Variants in MAML3 observed in about 807,000 individuals in gnomAD.
The protein encoded by MAML3 is mastermind like transcriptional coactivator 3.
In MAML3, 27 loss-of-function variants were observed where a neutral mutation model predicts 101.9. The observed-to-expected ratio is 0.27, with a 90% CI of 0.20 to 0.37. The LOEUF (loss-of-function observed/expected upper bound fraction) is 0.37, where lower values mean the gene tolerates loss of function less well. Ranked by LOEUF, MAML3 falls within the 10% of genes least tolerant of loss-of-function variation. MAML3 has a pLI of 1.00. For missense variants in MAML3, 1,316 were observed against 1,444.9 expected (o/e 0.91, Z 1.45); for synonymous variants, 501 against 555.9 (o/e 0.90, Z 1.39).
chr4:139,805,314 C>T (rs1730682439), intron 2 of MAML3, among the ~76,000 whole-genome samples: 1 of 152,208 alleles, frequency 6.6e-6, no homozygotes, highest in South Asian at 2.1e-4. Context: ...AGAAGTTGGA[C>T]ATTTCTTGTC....
chr4:139,999,510 C>A (rs1734881941), intron 1 of MAML3, among the ~76,000 whole-genome samples: 1 of 152,176 alleles, frequency 6.6e-6, no homozygotes, highest in Non-Finnish European at 1.5e-5. Flanking sequence ...ATTTCCAAAG[C>A]ACTGAAGTGA....
At chr4:139,885,628 CA>C (rs927890825) in intron 2 of MAML3, among the ~76,000 whole-genome samples, 1,446 of 142,946 alleles carry the variant, frequency 0.01, 21 homozygotes, top group African/African-American at 0.034. Context: ...GGTTTTAAAA[CA>C]AAAAAAAAAG....
chr4:139,900,936 G>A (rs1356260511), intron 1 of MAML3, among the ~76,000 whole-genome samples: 3 of 152,182 alleles, frequency 2.0e-5, no homozygotes, highest in Non-Finnish European at 4.4e-5. Flanking sequence ...GGTTCAGAGA[G>A]GACAGGTAGT....
chr4:140,011,136 TACAC>T (rs1374321972), intron 1 of MAML3, among the ~76,000 whole-genome samples: 85 of 111,434 alleles, frequency 7.6e-4, no homozygotes, highest in African/African-American at 2.6e-3. Flanking sequence ...TATATATATA[TACAC>T]ATATGTCATA....
chr4:140,044,471 C>T (rs1727145593), intron 1 of MAML3, among the ~76,000 whole-genome samples: 1 of 152,166 alleles, frequency 6.6e-6, no homozygotes, highest in Admixed American at 6.6e-5. Context: ...ATGAGTGTTA[C>T]AAGTTCTTCC....
intron 1 of MAML3, among the ~76,000 whole-genome samples, chr4:140,069,322 AG>A (rs1198974346): frequency 1.1e-4 from 13 of 118,456 alleles, no homozygotes; most frequent in African/African-American, 3.5e-4. Context: ...ACTCTGTCCA[AG>A]AAGAAGGAGA....
At chr4:140,073,474 T>C (rs1246210424) in intron 1 of MAML3, among the ~76,000 whole-genome samples, 1 of 152,066 alleles carries the variant, frequency 6.6e-6, no homozygotes, top group African/African-American at 2.4e-5. Flanking sequence ...TAGACTTCCA[T>C]CAGAGAGACT....
chr4:139,798,056 G>C (rs1459519609), intron 2 of MAML3, among the ~76,000 whole-genome samples: 1 of 134,262 alleles, frequency 7.4e-6, no homozygotes, highest in Non-Finnish European at 1.5e-5. Context: ...AAGAAAGAAA[G>C]AAAGAAAGAA....
intron 1 of MAML3, among the ~76,000 whole-genome samples, chr4:140,113,858 G>GT (rs1728477058): frequency 6.6e-6 from 1 of 152,326 alleles, no homozygotes; most frequent in African/African-American, 2.4e-5. Flanking sequence ...GCTGACAGGT[G>GT]TAAGCAATGC....
chr4:140,123,095 T>TG (rs1221304844), intron 1 of MAML3, among the ~76,000 whole-genome samples: 1 of 142,502 alleles, frequency 7.0e-6, no homozygotes, highest in Non-Finnish European at 1.5e-5. Context: ...CTCTGCGGTT[T>TG]TTTTTTTTTT....
chr4:139,880,407 C>T (rs1441772156), intron 2 of MAML3, among the ~76,000 whole-genome samples: 2 of 151,994 alleles, frequency 1.3e-5, no homozygotes, highest in East Asian at 1.9e-4. Context: ...CTGGTTTCCC[C>T]TCAGCAGGGA....
intron 1 of MAML3, among the ~76,000 whole-genome samples, chr4:140,128,720 A>G (rs187702124): frequency 5.3e-5 from 8 of 152,316 alleles, no homozygotes; most frequent in African/African-American, 1.7e-4. Context: ...GAGGGAAACA[A>G]ATAAAGTAGA....
In MAML3 at chr4:139,720,261, G is replaced by C. The variant is rs772679392; in HGVS notation, c.2479C>G (p.Arg827Gly). ...QAALQSMRTS[R>G]LMAQNAGMMG... ...ATGCCTGCGTTCTGTGCCATCAGCC[G>C]TGACGTTCGCATGCTCTGGAGGGCT... Residue 827 changes from arginine to glycine, a missense_variant, in exon 5 of 5, where the codon CGG becomes GGG. Arg to Gly is a moderately radical substitution (Grantham distance 125). Coordinates refer to ENST00000509479, the MANE Select transcript of MAML3 (RefSeq NM_018717.5). The C allele has an allele frequency of 1.3e-6, 2 of 1,593,366 alleles. No individual in the cohort carries two copies. The highest frequency in any genetic ancestry group is 1.7e-6 in the Non-Finnish European group (2 of 1,167,442).
intron 2 of MAML3, among the ~76,000 whole-genome samples, chr4:139,866,434 C>T (rs928120566): frequency 6.6e-6 from 1 of 152,114 alleles, no homozygotes; most frequent in Non-Finnish European, 1.5e-5. Context: ...GTAGCCAGGC[C>T]TTCTTTGCAC....
intron 1 of MAML3, among the ~76,000 whole-genome samples, chr4:140,076,341 G>C (rs560972931): frequency 1.3e-5 from 2 of 152,112 alleles, no homozygotes; most frequent in Admixed American, 1.3e-4. Flanking sequence ...AATTTTGTAC[G>C]TTCAAAGTGA....
chr4:139,825,825 C>A (rs146306314), intron 2 of MAML3, among the ~76,000 whole-genome samples: 5 of 151,046 alleles, frequency 3.3e-5, no homozygotes, highest in African/African-American at 9.7e-5. Context: ...GCTCTTCAAA[C>A]AAGCACTGGC....
intron 1 of MAML3, among the ~76,000 whole-genome samples, chr4:140,149,212 G>C (rs1327799092): frequency 6.6e-6 from 1 of 152,178 alleles, no homozygotes; most frequent in African/African-American, 2.4e-5. Context: ...CCAAGTCTTT[G>C]AGGGGAAGAA....
At chr4:140,116,508 A>G (rs969224339) in intron 1 of MAML3, among the ~76,000 whole-genome samples, 1 of 152,230 alleles carries the variant, frequency 6.6e-6, no homozygotes, top group Non-Finnish European at 1.5e-5. Flanking sequence ...TGACAAAGAA[A>G]TACAAAAGAG....
chr4:139,889,974 G>C lies in MAML3; in HGVS notation c.1462C>G (p.Gln488Glu), dbSNP rs1353565600. The part of the protein sequence containing the change: ...RAKLMQQKQQ[Q>E]QQQQQQQQQQ... ...TGCTGCTGCTGCTGCTGCTGTTGCT[G>C]TTGCTGTTTCTGCTGCATGAGTTTG... Residue 488 changes from glutamine to glutamate, a missense_variant, in exon 2 of 5, where the codon CAG (glutamine) becomes GAG (glutamate). Gln to Glu is a conservative substitution (Grantham distance 29, BLOSUM62 2). Coordinates refer to ENST00000509479, the MANE Select transcript of MAML3 (RefSeq NM_018717.5). 1.9e-6 allele frequency: 3 copies of C among 1,612,668 alleles called. No homozygotes were observed. In the African/African-American group the frequency reaches 4.0e-5, roughly 22 times the overall value.
Sources: gnomAD v4.1 joint callset for allele counts (sites outside exome capture counted in the v4.1 genomes callset) on GRCh38, gnomAD v4.1.1 for gene constraint, MANE v1.5 for transcripts, NCBI Gene and HGNC (gene_info 2026-07-23, HGNC 2026-07-21) for gene names.